Variants in EXD1 observed in about 807,000 individuals in gnomAD.
The protein encoded by EXD1 is piRNA biogenesis protein EXD1.
A neutral mutation model predicts 49.1 loss-of-function variants in EXD1; 63 were observed. The ratio of observed to expected loss-of-function variants is 1.28; its 90% CI spans 1.05 to 1.58. The LOEUF (loss-of-function observed/expected upper bound fraction) is 1.58. Among genes scored for constraint, EXD1 ranks in the 40% most tolerant of loss-of-function variants. EXD1 has a pLI of 0.00. For synonymous variants in EXD1, 234 were observed against 239.2 expected, an observed-to-expected ratio of 0.98 and a Z score of 0.20; for missense variants, 748 against 666.0, an observed-to-expected ratio of 1.12 and a Z score of -1.36.
intron 7 of EXD1, among the ~76,000 whole-genome samples, chr15:41,206,912 G>A (rs1266974755): frequency 7.2e-6 from 1 of 138,684 alleles, no homozygotes; most frequent in East Asian, 2.2e-4. Flanking sequence ...GAGCCACTGT[G>A]CCTGCCCTAT....
In EXD1 at chr15:41,226,720, T is replaced by G. The variant is rs189813258; in HGVS notation, c.-53-92A>C. On this transcript the variant is annotated intron_variant, in intron 1 of 11. Coordinates refer to ENST00000458580, the MANE Select transcript of EXD1 (RefSeq NM_001286441.2). ...TCCCCATATCTGTAATGGACAAGAA[T>G]AAAATCTGAATAATTCAGTTTTGTT... 87 of 1,026,802 alleles carry G rather than the reference T, an allele frequency of 8.5e-5. No individual in the cohort carries two copies. The East Asian group carries it at 2.3e-3, about 27-fold the overall frequency. 63.6% of individuals were successfully genotyped at this position (1,026,802 alleles called of 1,614,324 possible).
intron 6 of EXD1, among the ~76,000 whole-genome samples, chr15:41,214,024 G>A (rs1323620397): frequency 2.6e-5 from 4 of 152,150 alleles, no homozygotes; most frequent in Non-Finnish European, 4.4e-5. Context: ...AAAATTAGCC[G>A]GGTGCAGTGG....
chr15:41,204,235 A>G, intron 7 of EXD1, among the ~76,000 whole-genome samples: 1 of 140,052 alleles, frequency 7.1e-6, no homozygotes, highest in African/African-American at 2.8e-5. Context: ...GCGACACAGC[A>G]AGACTCTGTC....
At chr15:41,212,041 A>G (rs56160536) in intron 6 of EXD1, among the ~76,000 whole-genome samples, 24,292 of 152,018 alleles carry the variant, frequency 0.16, 3,533 homozygotes, top group African/African-American at 0.39. Flanking sequence ...TCATGGAAAC[A>G]TTCAACATCA....
At chr15:41,199,709 T>TATATATATTATATATCAC (rs2046680386) in intron 7 of EXD1, among the ~76,000 whole-genome samples, 1 of 84,914 alleles carries the variant, frequency 1.2e-5, no homozygotes, top group African/African-American at 4.7e-5. Flanking sequence ...ACATATATCA[T>TATATATATTATATATCAC]ATATATGATA....
chr15:41,215,667 T>A (rs113857856), intron 6 of EXD1, 108 bp downstream of exon 6: 1 of 1,147,756 alleles, frequency 8.7e-7, no homozygotes, highest in Non-Finnish European at 1.3e-6. Flanking sequence ...ACCTGGGCGA[T>A]AGAGCAAGAC....
chr15:41,191,049 T>C (rs1007859049), intron 10 of EXD1, among the ~76,000 whole-genome samples: 6 of 152,124 alleles, frequency 3.9e-5, no homozygotes, highest in Admixed American at 2.0e-4. Flanking sequence ...TGCCTCAGCC[T>C]CCCGAGTAGC....
chr15:41,184,171 A>T lies in EXD1; in HGVS notation c.1479T>A (p.His493Gln). Residue 493 changes from histidine (H) to glutamine (Q), a missense_variant, in exon 12 of 12, where the codon CAT becomes CAA. By Grantham distance (24) the His-to-Gln change is conservative (BLOSUM62 0). Coordinates refer to ENST00000458580, the MANE Select transcript of EXD1 (RefSeq NM_001286441.2). ...TQKEHFMTPK[H>Q]EFQASLSLKE... ...TCAAAGATAAACTTGCCTGAAACTCATGTTTGGGTGTCATAAAGTGTTCTT... is the reference window on the plus strand; with the variant it reads ...TCAAAGATAAACTTGCCTGAAACTCTTGTTTGGGTGTCATAAAGTGTTCTT... 1 of 1,613,744 alleles carries T rather than the reference A, an allele frequency of 6.2e-7. No homozygotes were observed. The highest frequency in any genetic ancestry group is 8.5e-7 in the Non-Finnish European group (1 of 1,179,678).
chr15:41,212,860 G>A (rs778897532), intron 6 of EXD1, among the ~76,000 whole-genome samples: 3 of 151,964 alleles, frequency 2.0e-5, no homozygotes, highest in Non-Finnish European at 4.4e-5. Context: ...GCAACATAAC[G>A]AGACGTTGTC....
intron 11 of EXD1, among the ~76,000 whole-genome samples, chr15:41,187,084 A>G (rs1360534323): frequency 2.0e-5 from 3 of 150,488 alleles, no homozygotes; most frequent in African/African-American, 4.9e-5. Flanking sequence ...TGGTTTCTCT[A>G]TGTTGGTCAG....
chr15:41,227,839 C>G (rs996546548), intron 1 of EXD1, among the ~76,000 whole-genome samples: 46 of 152,180 alleles, frequency 3.0e-4, no homozygotes, highest in African/African-American at 1.1e-3. Context: ...CACCTGAGGT[C>G]AGGAGTTCGA....
intron 7 of EXD1, among the ~76,000 whole-genome samples, chr15:41,203,944 A>AAAAAAAC (rs2046776904): frequency 7.2e-6 from 1 of 139,846 alleles, no homozygotes; most frequent in African/African-American, 2.7e-5. Flanking sequence ...AAAAAAAAAA[A>AAAAAAAC]CCCTAAAAAT....
At chr15:41,219,624 C>T (rs1328755902) in intron 3 of EXD1, 2 of 459,440 alleles carry the variant, frequency 4.4e-6, no homozygotes, top group Admixed American at 4.1e-5. Context: ...TAGTGATAAG[C>T]ACCAGCACAC....
intron 7 of EXD1, among the ~76,000 whole-genome samples, chr15:41,199,700 C>CATATATCATATATGATATATT (rs2046679091): frequency 1.3e-4 from 2 of 15,508 alleles, no homozygotes; most frequent in African/African-American, 2.1e-4. Context: ...AGATATATTA[C>CATATATCATATATGATATATT]ATATATCATA....
chr15:41,230,384 A>C (rs2047221801), intron 1 of EXD1, 95 bp downstream of exon 1: 1 of 1,377,942 alleles, frequency 7.3e-7, no homozygotes, highest in Non-Finnish European at 1.0e-6. Flanking sequence ...TGCCAGGCCT[A>C]CCTTTTTAAT....
intron 7 of EXD1, among the ~76,000 whole-genome samples, chr15:41,203,745 C>T (rs1031985878): frequency 1.1e-4 from 17 of 151,218 alleles, no homozygotes; most frequent in African/African-American, 3.9e-4. Context: ...GGTGAAACTC[C>T]GTCTCTACCA....
chr15:41,215,788 T>G lies in EXD1; in HGVS notation c.434A>C (p.Lys145Thr). The part of the protein sequence containing the change: ...TYTVINQFQQ[K>T]FGAAILHIKK... Reference sequence around the variant, plus strand: ...GACAATACTTACCGCAGCACCAAACTTCTGCTGGAATTGATTAATGACTGT... The same window carrying G: ...GACAATACTTACCGCAGCACCAAACGTCTGCTGGAATTGATTAATGACTGT... The change falls in exon 6 of 12, where the codon AAG (lysine) becomes ACG (threonine). Residue 145 changes from lysine (K) to threonine (T), a missense_variant. Physicochemically the swap from Lys to Thr is moderately conservative, Grantham distance 78. Coordinates refer to ENST00000458580, the MANE Select transcript of EXD1 (RefSeq NM_001286441.2). 6.2e-7 allele frequency: 1 copy of G among 1,613,990 alleles called. No individual in the cohort carries two copies. Among genetic ancestry groups the G allele is most frequent in the Non-Finnish European group, 8.5e-7 (1 of 1,179,954 alleles).
At chr15:41,188,207 A>G (rs536290047) in intron 11 of EXD1, among the ~76,000 whole-genome samples, 9 of 151,914 alleles carry the variant, frequency 5.9e-5, no homozygotes, top group Non-Finnish European at 1.3e-4. Flanking sequence ...TTAAAAATGT[A>G]AAAATTGTTC....
intron 3 of EXD1, among the ~76,000 whole-genome samples, chr15:41,217,780 C>T (rs1163867939): frequency 2.6e-5 from 4 of 152,002 alleles, no homozygotes; most frequent in African/African-American, 7.2e-5. Flanking sequence ...TTGATCCGCT[C>T]GCCTCAGCCT....
Sources: gnomAD v4.1 joint callset for allele counts (sites outside exome capture counted in the v4.1 genomes callset) on GRCh38, gnomAD v4.1.1 for gene constraint, MANE v1.5 for transcripts, NCBI Gene and HGNC (gene_info 2026-07-23, HGNC 2026-07-21) for gene names.